The following RASSF2 variants were observed in gnomAD, a reference collection of about 807,000 sequenced individuals.
RASSF2 encodes Ras association domain family member 2.
RASSF2 carries 34 observed loss-of-function variants against 46.3 expected under a neutral mutation model. The observed-to-expected ratio is 0.73, with a 90% CI of 0.56 to 0.98. The LOEUF (loss-of-function observed/expected upper bound fraction) is 0.98. RASSF2 is among the 50% of genes least tolerant of loss of function. The probability of loss-of-function intolerance (pLI) is 0.00; values close to 1 mark genes in which losing one functional copy is unlikely to be tolerated. For missense variants in RASSF2, 364 were observed against 431.2 expected (o/e 0.84, Z 1.38); for synonymous variants, 158 against 162.5 (o/e 0.97, Z 0.21).
At chr20:4,814,822 G>C (rs537572883) in intron 2 of RASSF2, among the ~76,000 whole-genome samples, 1 of 152,336 alleles carries the variant, frequency 6.6e-6, no homozygotes, top group South Asian at 2.1e-4. Context: ...ACCGTTTCCA[G>C]GGGAAGTTTG....
chr20:4,821,009 T>C (rs1265784677), intron 2 of RASSF2, among the ~76,000 whole-genome samples: 3 of 152,020 alleles, frequency 2.0e-5, no homozygotes, highest in Non-Finnish European at 4.4e-5. Context: ...CGTCCAGCCC[T>C]CTGAGGCAGC....
intron 2 of RASSF2, among the ~76,000 whole-genome samples, chr20:4,807,179 C>T (rs1210747732): frequency 5.3e-5 from 8 of 152,030 alleles, no homozygotes; most frequent in Non-Finnish European, 7.4e-5. Context: ...CTAGAGAATT[C>T]GCTGGCGTTT....
intron 2 of RASSF2, among the ~76,000 whole-genome samples, chr20:4,813,956 A>G (rs1354949569): frequency 6.6e-6 from 1 of 152,206 alleles, no homozygotes; most frequent in Non-Finnish European, 1.5e-5. Flanking sequence ...CGTGGGCTCC[A>G]GTTCAACCAA....
intron 3 of RASSF2, among the ~76,000 whole-genome samples, chr20:4,798,462 T>C (rs1926559272): frequency 2.0e-5 from 3 of 152,148 alleles, no homozygotes; most frequent in African/African-American, 7.2e-5. Flanking sequence ...TTCTCCTGCA[T>C]GGCTGTGGCC....
intron 2 of RASSF2, among the ~76,000 whole-genome samples, chr20:4,815,931 C>T (rs1251799498): frequency 6.6e-6 from 1 of 152,238 alleles, no homozygotes; most frequent in Admixed American, 6.5e-5. Flanking sequence ...ATGGAACCTC[C>T]AGGGGCCAAA....
intron 2 of RASSF2, among the ~76,000 whole-genome samples, chr20:4,802,059 T>C (rs1362879587): frequency 6.6e-6 from 1 of 151,970 alleles, no homozygotes; most frequent in Non-Finnish European, 1.5e-5. Context: ...CCATTGGAGC[T>C]GGCCCATTCT....
chr20:4,790,530 C>T lies in RASSF2; in HGVS notation c.458G>A (p.Gly153Asp), dbSNP rs1404381392. 6.5e-7 allele frequency: 1 copy of T among 1,531,446 alleles called. No individual in the cohort carries two copies. Among genetic ancestry groups the T allele is most frequent in the South Asian group, 1.3e-5 (1 of 79,674 alleles). 94.9% of individuals were successfully genotyped at this position (1,531,446 alleles called of 1,614,324 possible). Residue 153 changes from glycine (G) to aspartate (D), a missense_variant, in exon 7 of 12, where the codon GGC becomes GAC. Coordinates refer to ENST00000379400, the MANE Select transcript of RASSF2 (RefSeq NM_014737.3). The surrounding 1 kb of genome is among the most constrained non-coding windows in gnomAD (Gnocchi z 4.3). ...TRSDVGVRRRGNVRTPSDQRR... is the reference protein window; with the variant it reads ...TRSDVGVRRRDNVRTPSDQRR... ...CTGGTCACTAGGCGTCCTCACATTGCCACGGCGACGCACCCCAACATCACT... is the reference window on the plus strand; with the variant it reads ...CTGGTCACTAGGCGTCCTCACATTGTCACGGCGACGCACCCCAACATCACT...
chr20:4,819,836 A>G (rs879660584), intron 2 of RASSF2, among the ~76,000 whole-genome samples: 4 of 152,174 alleles, frequency 2.6e-5, no homozygotes, highest in Non-Finnish European at 4.4e-5. Flanking sequence ...ATTTTCACCA[A>G]TTGAAGGAAC....
At chr20:4,820,028 A>G (rs1928588278) in intron 2 of RASSF2, among the ~76,000 whole-genome samples, 3 of 152,224 alleles carry the variant, frequency 2.0e-5, no homozygotes, top group South Asian at 4.1e-4. Context: ...GTGATAAAAA[A>G]TGACCCACTG....
intron 4 of RASSF2, 41 bp from the exon 5 acceptor site, chr20:4,796,007 C>T (rs375499092): frequency 4.7e-5 from 69 of 1,462,770 alleles, no homozygotes; most frequent in Admixed American, 2.0e-4. Flanking sequence ...TAGAAAAGCC[C>T]CCACAGAAGC....
chr20:4,822,563 C>T (rs951699673), intron 1 of RASSF2, among the ~76,000 whole-genome samples, 160 bp from the exon 2 acceptor site: 1 of 152,246 alleles, frequency 6.6e-6, no homozygotes, highest in Non-Finnish European at 1.5e-5. Flanking sequence ...TCGGCTGTCC[C>T]CAGAGCTCTC....
At chr20:4,801,309 A>G (rs1202100172) in intron 2 of RASSF2, among the ~76,000 whole-genome samples, 1 of 152,200 alleles carries the variant, frequency 6.6e-6, no homozygotes, top group Non-Finnish European at 1.5e-5. Flanking sequence ...ATCCAAGCAC[A>G]AATGCCCCAG....
At chr20:4,810,099 T>C (rs1275735301) in intron 2 of RASSF2, among the ~76,000 whole-genome samples, 1 of 152,200 alleles carries the variant, frequency 6.6e-6, no homozygotes, top group Non-Finnish European at 1.5e-5. Flanking sequence ...GGTCTGTCAC[T>C]GTCCCCCACC....
At chr20:4,801,663 ATATT>A in intron 2 of RASSF2, among the ~76,000 whole-genome samples, 1 of 152,308 alleles carries the variant, frequency 6.6e-6, no homozygotes, top group Non-Finnish European at 1.5e-5. Flanking sequence ...ACATGTATAA[ATATT>A]TATTCAGATA....
Position 4,788,248 on chromosome 20 carries a change from C to T in RASSF2, c.660G>A (p.Glu220=), listed in dbSNP as rs1368041484. The T allele has an allele frequency of 1.2e-6, 2 of 1,609,036 alleles. No homozygotes were observed. The highest frequency in any genetic ancestry group is 1.1e-5 in the South Asian group (1 of 90,968). Residue 220 remains glutamate, a synonymous_variant, in exon 9 of 12, where the codon GAG becomes GAA. Coordinates refer to ENST00000379400, the MANE Select transcript of RASSF2 (RefSeq NM_014737.3). ...TCGTATGGACCACGTACAAGGCAAACTCCTCTGCTGAATTCTCAATCTGAA... is the reference window on the plus strand; with the variant it reads ...TCGTATGGACCACGTACAAGGCAAATTCCTCTGCTGAATTCTCAATCTGAA... The part of the protein sequence containing the change: ...NKFKIENSAE[E]FALYVVHTSG...
In RASSF2 at chr20:4,780,911, G is replaced by A. The variant is rs1924747547; in HGVS notation, c.*3362C>T. The A allele has an allele frequency of 6.6e-6, 1 of 151,644 alleles. No homozygotes were observed. The allele number at this position is 151,644 out of a possible 1,614,324, so 9.4% of individuals were successfully genotyped here. On this transcript the variant is annotated 3_prime_UTR_variant, in exon 12 of 12. Transcript: ENST00000379400. The stretch of plus-strand genomic sequence containing the variant: ...TTGAACCCCAGAGGCGGATGTTGCA[G>A]TGAGCTGAGATCCCACCACTGCACT...
chr20:4,814,201 CTG>C (rs1928088250), intron 2 of RASSF2, among the ~76,000 whole-genome samples: 1 of 152,186 alleles, frequency 6.6e-6, no homozygotes, highest in Non-Finnish European at 1.5e-5. Context: ...GGCCTGAGGC[CTG>C]TGTCCCCAAG....
rs147109375 is a variant in RASSF2 at position 4,799,282 on chromosome 20, C to A, written c.60-1197G>T. On this transcript the variant is annotated intron_variant, in intron 3 of 11. Transcript: ENST00000379400. ...GGAGTACAGCTCTACTGCACGTGGC[C>A]AGAGAGGAGATTTCACCCCCTTTGT... 2.0e-4 allele frequency among the ~76,000 whole-genome samples: 30 copies of A among 152,316 alleles called. No individual in the cohort carries two copies. The East Asian group carries it at 5.8e-3, about 29-fold the overall frequency.
In RASSF2 at chr20:4,812,106, G is replaced by C. The variant is rs944714644; in HGVS notation, c.-33+10223C>G. On this transcript the variant is annotated intron_variant, in intron 2 of 11. Coordinates refer to ENST00000379400, the MANE Select transcript of RASSF2 (RefSeq NM_014737.3). The surrounding 1 kb of genome is among the most constrained non-coding windows in gnomAD (Gnocchi z 4.0). ...CACGAGGAAGGAGACTTGAGCTGCG[G>C]GCTGGGGCCCTGCCAAGACCTAGAG... Among the ~76,000 whole-genome samples, 6 of 152,156 alleles carry C rather than the reference G, an allele frequency of 3.9e-5. No homozygotes were observed. Among genetic ancestry groups the C allele is most frequent in the Non-Finnish European group, 5.9e-5 (4 of 68,030 alleles).
Sources: gnomAD v4.1 joint callset for allele counts (sites outside exome capture counted in the v4.1 genomes callset) on GRCh38, gnomAD v4.1.1 for gene constraint, Gnocchi (gnomAD v3.1) non-coding constraint, MANE v1.5 for transcripts, NCBI Gene and HGNC (gene_info 2026-07-23, HGNC 2026-07-21) for gene names.